PTCHD4: variants seen among roughly 807,000 people sequenced by gnomAD.
PTCHD4 encodes the protein patched domain-containing protein 4.
A neutral mutation model predicts 58.1 loss-of-function variants in PTCHD4; 33 were observed. The ratio of observed to expected loss-of-function variants is 0.57; its 90% CI spans 0.43 to 0.76. The LOEUF (loss-of-function observed/expected upper bound fraction) is 0.76. Among genes scored for constraint, PTCHD4 ranks in the 30% least tolerant of loss-of-function variants. The pLI, the probability that PTCHD4 is intolerant of heterozygous loss-of-function variation, is 0.00. For missense variants in PTCHD4, 1,058 were observed against 1,027.1 expected (o/e 1.03, Z -0.41); for synonymous variants, 478 against 409.6 (o/e 1.17, Z -2.02).
chr6:47,982,481 C>CTTTTTTT (rs375869071), intron 4 of PTCHD4, among the ~76,000 whole-genome samples: 22 of 130,792 alleles, frequency 1.7e-4, no homozygotes, highest in Non-Finnish European at 1.3e-4. Context: ...TTATCTCTCT[C>CTTTTTTT]TTTTTTTTTT....
rs376402411 is a variant in PTCHD4 at position 48,009,671 on chromosome 6, C to G, written c.418-557G>C. Among the ~76,000 whole-genome samples the G allele has an allele frequency of 4.6e-5, 7 of 152,058 alleles. No individual in the cohort carries two copies. The East Asian group carries it at 7.7e-4, about 17-fold the overall frequency. On this transcript the variant is annotated intron_variant, in intron 3 of 4. Transcript: ENST00000339488. Reference sequence around the variant, plus strand: ...TATAATTGCATACCGAAGAGCAGTACAAAAAATATTGTTTCTTACAACTAA... The same window carrying G: ...TATAATTGCATACCGAAGAGCAGTAGAAAAAATATTGTTTCTTACAACTAA...
chr6:48,039,054 C>T (rs759867440), intron 3 of PTCHD4, among the ~76,000 whole-genome samples: 2 of 152,104 alleles, frequency 1.3e-5, no homozygotes, highest in Non-Finnish European at 2.9e-5. Context: ...AGCTGGGGAG[C>T]CTGGACAAAT....
intron 4 of PTCHD4, among the ~76,000 whole-genome samples, chr6:48,005,913 A>G (rs1179744700): frequency 6.6e-6 from 1 of 152,206 alleles, no homozygotes; most frequent in Admixed American, 6.5e-5. Flanking sequence ...AGTTAGTAGA[A>G]ATGCTGGGAT....
chr6:47,907,544 C>T (rs1181339403), intron 4 of PTCHD4, among the ~76,000 whole-genome samples: 1 of 152,144 alleles, frequency 6.6e-6, no homozygotes, highest in Non-Finnish European at 1.5e-5. Context: ...TTCTTTTTGC[C>T]TTCCATACAC....
rs546760372 is a variant in PTCHD4 at position 48,056,326 on chromosome 6, T to G, written c.417+11904A>C. ...TATAGTACAAATGTTAACAGTATGC[T>G]TCACCTTTGTTTTTAATGAAATTTT... On this transcript the variant is annotated intron_variant, in intron 3 of 4. Coordinates refer to ENST00000339488, the MANE Select transcript of PTCHD4 (RefSeq NM_001384253.1). Among the ~76,000 whole-genome samples, 22 of 152,328 alleles carry G rather than the reference T, an allele frequency of 1.4e-4. No individual in the cohort carries two copies. In the South Asian group the frequency reaches 3.3e-3, roughly 23 times the overall value.
intron 4 of PTCHD4, among the ~76,000 whole-genome samples, chr6:47,887,009 A>G (rs953812404): frequency 6.6e-6 from 1 of 152,208 alleles, no homozygotes; most frequent in Non-Finnish European, 1.5e-5. Flanking sequence ...TTCACTGGCC[A>G]GGTTAGGCAC....
Position 47,878,804 on chromosome 6 carries a change from G to T in PTCHD4, c.2031C>A (p.Ile677=), listed in dbSNP as rs1406735481. Residue 677 remains isoleucine, a synonymous_variant, in exon 5 of 5, where the codon ATC becomes ATA. Transcript: ENST00000339488. ...LVLILTFFLV[I]HPLGNFWLIL... is the part of the protein sequence containing the mutation. ...TTAGCCAGAAGTTTCCCAGAGGGTG[G>T]ATCACTAGGAAAAAAGTCAGGATTA... 1 of 1,613,504 alleles carries T rather than the reference G, an allele frequency of 6.2e-7. No individual in the cohort carries two copies. Among genetic ancestry groups the T allele is most frequent in the Non-Finnish European group, 8.5e-7 (1 of 1,179,764 alleles).
Position 47,866,251 on chromosome 6 carries a change from G to A in PTCHD4, c.*12052C>T, listed in dbSNP as rs557503373. 2.6e-4 allele frequency among the ~76,000 whole-genome samples: 40 copies of A among 151,976 alleles called. No homozygotes were observed. Among genetic ancestry groups the A allele is most frequent in the African/African-American group, 9.4e-4 (39 of 41,514 alleles). ...TTGGATTAAATGTGTTGACTTGGTT[G>A]TCTAAGCCACTGTTTTTCAAATTGA... On this transcript the variant is annotated 3_prime_UTR_variant, in exon 5 of 5. Transcript: ENST00000339488.
rs368731779 is a variant in PTCHD4 at position 48,021,530 on chromosome 6, CA to C, written c.418-12417del. 2.4e-4 allele frequency among the ~76,000 whole-genome samples: 36 copies of C among 152,208 alleles called. 1 individual carries two copies. The East Asian group carries it at 6.2e-3, about 26-fold the overall frequency. ...TTTTCTTTAATTTCATAAACAAGGC[CA>C]AATCATTTGACCAACCAAACAATAA... is the stretch of plus-strand genomic sequence containing the variant. On this transcript the variant is annotated intron_variant, in intron 3 of 4. Transcript: ENST00000339488.
At chr6:48,037,365 A>C (rs955062631) in intron 3 of PTCHD4, among the ~76,000 whole-genome samples, 2 of 152,188 alleles carry the variant, frequency 1.3e-5, no homozygotes, top group African/African-American at 4.8e-5. Flanking sequence ...CGTTTCATGC[A>C]TCCACTGGAG....
At chr6:47,889,702 T>C (rs1223356091) in intron 4 of PTCHD4, among the ~76,000 whole-genome samples, 1 of 151,178 alleles carries the variant, frequency 6.6e-6, no homozygotes, top group Non-Finnish European at 1.5e-5. Flanking sequence ...CTAAAATCAA[T>C]TCAAGATGGA....
intron 1 of PTCHD4, among the ~76,000 whole-genome samples, chr6:48,083,708 C>A (rs1765208360): frequency 6.6e-6 from 1 of 152,110 alleles, no homozygotes; most frequent in Non-Finnish European, 1.5e-5. Context: ...GGAAGGGCCA[C>A]ATGGAAAGCA....
chr6:47,898,267 C>T (rs1337271022), intron 4 of PTCHD4, among the ~76,000 whole-genome samples: 1 of 152,108 alleles, frequency 6.6e-6, no homozygotes, highest in Non-Finnish European at 1.5e-5. Flanking sequence ...TTCAAAACAT[C>T]ATTCTATATT....
chr6:48,068,515 G>C lies in PTCHD4; in HGVS notation c.132C>G (p.Thr44=), dbSNP rs200272670. 313 of 1,612,546 alleles carry C rather than the reference G, an allele frequency of 1.9e-4. No individual in the cohort carries two copies. The highest frequency in any genetic ancestry group is 2.4e-4 in the Non-Finnish European group (279 of 1,179,790). The part of the protein sequence containing the change: ...CVSRHPVFFL[T]VPAVLTITFG... ...AGGTGATTGTCAGGACTGCGGGCAC[G>C]GTGAGGAAAAAGACCGGGTGCCGGC... Residue 44 remains threonine, a synonymous_variant, in exon 3 of 5, where the codon ACC becomes ACG. Transcript: ENST00000339488. This position sits in a 1 kb window ranked among gnomAD's most constrained non-coding sequence, Gnocchi z 4.2.
intron 3 of PTCHD4, among the ~76,000 whole-genome samples, chr6:48,050,292 G>A (rs1764184726): frequency 6.6e-6 from 1 of 151,914 alleles, no homozygotes; most frequent in African/African-American, 2.4e-5. Flanking sequence ...AAATGCTATA[G>A]GGAATATACT....
chr6:48,068,222 T>C lies in PTCHD4; in HGVS notation c.417+8A>G, dbSNP rs781625115. The C allele has an allele frequency of 1.4e-5, 22 of 1,552,504 alleles. No homozygotes were observed. The highest frequency in any genetic ancestry group is 2.7e-5 in the African/African-American group (2 of 72,878). ...GGAAAAAGTATAATTATAGCCCTTGTGGTTCACCTTCATTTCCAGCACGGC... is the reference window on the plus strand; with the variant it reads ...GGAAAAAGTATAATTATAGCCCTTGCGGTTCACCTTCATTTCCAGCACGGC... On this transcript the variant is annotated splice_region_variant and intron_variant, in intron 3 of 4. Coordinates refer to ENST00000339488, the MANE Select transcript of PTCHD4 (RefSeq NM_001384253.1). The surrounding 1 kb of genome is among the most constrained non-coding windows in gnomAD (Gnocchi z 4.2).
rs1269528438 is a variant in PTCHD4, at chr6:47,862,507, C to T, written c.*15796G>A. Reference sequence around the variant, plus strand: ...TCAACCTGTTTATTTATTTGGTTTCCTGGCCATTTGTCAATTTTTTTCTTC... The same window carrying T: ...TCAACCTGTTTATTTATTTGGTTTCTTGGCCATTTGTCAATTTTTTTCTTC... On this transcript the variant is annotated 3_prime_UTR_variant, in exon 5 of 5. Transcript: ENST00000339488. Among the ~76,000 whole-genome samples, 2 of 151,604 alleles carry T rather than the reference C, an allele frequency of 1.3e-5. No individual in the cohort carries two copies. The highest frequency in any genetic ancestry group is 3.0e-5 in the Non-Finnish European group (2 of 67,782).
At chr6:48,063,026 C>G (rs1420954232) in intron 3 of PTCHD4, among the ~76,000 whole-genome samples, 1 of 152,158 alleles carries the variant, frequency 6.6e-6, no homozygotes, top group Non-Finnish European at 1.5e-5. Flanking sequence ...TCATAGAACT[C>G]AGGTCTCCTG....
At chr6:48,095,499 C>T (rs996161316) in intron 1 of PTCHD4, among the ~76,000 whole-genome samples, 4 of 151,964 alleles carry the variant, frequency 2.6e-5, no homozygotes, top group African/African-American at 7.3e-5. Context: ...CTGGCTAACA[C>T]GGTGAAACCC....
Sources: gnomAD v4.1 joint callset for allele counts (sites outside exome capture counted in the v4.1 genomes callset) on GRCh38, gnomAD v4.1.1 for gene constraint, Gnocchi (gnomAD v3.1) non-coding constraint, MANE v1.5 for transcripts, NCBI Gene and HGNC (gene_info 2026-07-23, HGNC 2026-07-21) for gene names.